PDE10A: variants seen among roughly 807,000 people sequenced by gnomAD.
PDE10A encodes the protein cAMP and cAMP-inhibited cGMP 3',5'-cyclic phosphodiesterase 10A.
PDE10A carries 39 observed loss-of-function variants against 97.7 expected under a neutral mutation model. That is an observed-to-expected ratio of 0.40 (90% confidence interval 0.31 to 0.52). The LOEUF (loss-of-function observed/expected upper bound fraction) is 0.52, where lower values mean the gene tolerates loss of function less well. Among genes scored for constraint, PDE10A ranks in the 20% least tolerant of loss-of-function variants. PDE10A has a pLI of 0.56. For missense variants in PDE10A, 731 were observed against 1,047.8 expected (o/e 0.70, Z 4.17); for synonymous variants, 371 against 376.8 (o/e 0.98, Z 0.18).
chr6:165,714,821 G>T (rs115089335), intron 1 of PDE10A, among the ~76,000 whole-genome samples: 3 of 152,246 alleles, frequency 2.0e-5, no homozygotes, highest in African/African-American at 7.2e-5. Flanking sequence ...GTGGCGGATT[G>T]TGGCCCAGTC....
chr6:165,691,106 T>TCTCTCTCCCCC (rs143783728), intron 1 of PDE10A, among the ~76,000 whole-genome samples: 2 of 39,130 alleles, frequency 5.1e-5, no homozygotes, highest in African/African-American at 1.1e-4. Flanking sequence ...TCTTTCTCTC[T>TCTCTCTCCCCC]CCCCCCCCCC....
In PDE10A at chr6:165,751,877, T is replaced by C. The variant is rs999918354; in HGVS notation, c.-614-208309A>G. Among the ~76,000 whole-genome samples, 4 of 151,940 alleles carry C rather than the reference T, an allele frequency of 2.6e-5. No individual in the cohort carries two copies. In the East Asian group the frequency reaches 7.8e-4, roughly 29 times the overall value. ...TAAATGGGCCAGGCACGGTGGCTCATGCCTGTAATCCCAGCACTTTGGGAG... is the reference window on the plus strand; with the variant it reads ...TAAATGGGCCAGGCACGGTGGCTCACGCCTGTAATCCCAGCACTTTGGGAG... On this transcript the variant is annotated intron_variant, in intron 1 of 19. Coordinates refer to the PDE10A transcript ENST00000366882.
intron 16 of PDE10A, 51 bp downstream of exon 16, chr6:165,392,595 T>C (rs747603875): frequency 6.5e-7 from 1 of 1,544,684 alleles, no homozygotes. Context: ...TGACACACAG[T>C]ATTAAATCCA....
At chr6:165,839,829 CTCGT>C (rs1780175043) in intron 1 of PDE10A, among the ~76,000 whole-genome samples, 2 of 66,858 alleles carry the variant, frequency 3.0e-5, no homozygotes, top group African/African-American at 5.9e-5. Context: ...CATCTCCAAT[CTCGT>C]CTCCATTCTT....
intron 2 of PDE10A, among the ~76,000 whole-genome samples, chr6:165,531,281 T>C (rs890722237): frequency 1.3e-5 from 2 of 151,712 alleles, no homozygotes; most frequent in African/African-American, 4.9e-5. Context: ...AGCTCCATTA[T>C]AGCTGAATCT....
rs536084148 is a variant in PDE10A at position 165,975,795 on chromosome 6, T to C, written c.-615+11734A>G. ...CTAGAATAGAATGGAATAGAAATAT[T>C]TGGTAGTAGGGACACAGGATAACCC... On this transcript the variant is annotated intron_variant, in intron 1 of 19. Coordinates refer to the PDE10A transcript ENST00000366882. 2.0e-5 allele frequency among the ~76,000 whole-genome samples: 3 copies of C among 152,322 alleles called. No homozygotes were observed. In the South Asian group the frequency reaches 6.2e-4, roughly 32 times the overall value.
At chr6:165,927,239 C>T (rs1481351696) in intron 1 of PDE10A, among the ~76,000 whole-genome samples, 1 of 152,164 alleles carries the variant, frequency 6.6e-6, no homozygotes, top group Non-Finnish European at 1.5e-5. Context: ...CATGCTAGTC[C>T]TTAAACTACC....
At chr6:165,925,283 G>A (rs994428570) in intron 1 of PDE10A, among the ~76,000 whole-genome samples, 9 of 152,174 alleles carry the variant, frequency 5.9e-5, no homozygotes, top group African/African-American at 2.2e-4. Context: ...TAGATCACTC[G>A]TACATTGCTG....
At chr6:165,774,835 T>C (rs1178408203) in intron 1 of PDE10A, 4 of 148,298 alleles carry the variant, frequency 2.7e-5, no homozygotes, top group South Asian at 2.1e-4. Context: ...TTTTTTCTTT[T>C]TTTTTTTTTT....
At chr6:165,609,367 T>C (rs528750613) in intron 1 of PDE10A, among the ~76,000 whole-genome samples, 2 of 152,246 alleles carry the variant, frequency 1.3e-5, no homozygotes, top group East Asian at 1.9e-4. Flanking sequence ...CTCAAAATAA[T>C]AACAGCTATT....
intron 1 of PDE10A, chr6:165,781,981 G>C (rs557896863): frequency 6.6e-6 from 1 of 152,280 alleles, no homozygotes; most frequent in South Asian, 2.1e-4. Flanking sequence ...TGTGACATCA[G>C]CAACAGCAAA....
chr6:165,338,807 T>C (rs555557170), intron 20 of PDE10A, among the ~76,000 whole-genome samples: 16 of 152,214 alleles, frequency 1.1e-4, no homozygotes, highest in Non-Finnish European at 2.1e-4. Flanking sequence ...ATGAATTCTT[T>C]CAGTCCACAG....
intron 1 of PDE10A, among the ~76,000 whole-genome samples, chr6:165,678,345 G>A (rs1328817159): frequency 8.7e-6 from 1 of 115,096 alleles, no homozygotes; most frequent in African/African-American, 3.3e-5. Context: ...TTGTTTCTCA[G>A]GATAACCCTG....
intron 1 of PDE10A, among the ~76,000 whole-genome samples, chr6:165,668,641 T>G (rs1790555743): frequency 6.6e-6 from 1 of 151,276 alleles, no homozygotes; most frequent in Admixed American, 6.6e-5. Context: ...CTTGGAGAAC[T>G]GATTCCTTTC....
chr6:165,549,439 C>G (rs1235365065), intron 1 of PDE10A, among the ~76,000 whole-genome samples: 1 of 152,160 alleles, frequency 6.6e-6, no homozygotes, highest in East Asian at 1.9e-4. Context: ...AGTCTCCTGC[C>G]TCAGCCTCCC....
intron 1 of PDE10A, among the ~76,000 whole-genome samples, chr6:165,916,112 A>G (rs959581242): frequency 6.6e-6 from 1 of 152,264 alleles, no homozygotes; most frequent in African/African-American, 2.4e-5. Flanking sequence ...CTATGGGAAC[A>G]TTAATTTCAG....
At position 165,506,307 on chromosome 6, in the gene PDE10A, T is replaced by C. The variant is rs115348018; in HGVS notation, c.995-23964A>G. 3.1e-3 allele frequency among the ~76,000 whole-genome samples: 466 copies of C among 152,298 alleles called. 2 individuals are homozygous for C. Among genetic ancestry groups the C allele is most frequent in the African/African-American group, 0.011 (447 of 41,572 alleles). ...AATTTATTCAGTATTTCCCTTTAGATAGGCATTACGGTTGATTTCAGTATT... is the reference window on the plus strand; with the variant it reads ...AATTTATTCAGTATTTCCCTTTAGACAGGCATTACGGTTGATTTCAGTATT... On this transcript the variant is annotated intron_variant, in intron 2 of 21. Coordinates refer to ENST00000539869, the MANE Select transcript of PDE10A (RefSeq NM_001385079.1).
chr6:165,802,532 G>T (rs987613655), intron 1 of PDE10A, among the ~76,000 whole-genome samples: 1 of 152,184 alleles, frequency 6.6e-6, no homozygotes, highest in Admixed American at 6.5e-5. Flanking sequence ...AAGAGCTACC[G>T]CAAAGTGGTG....
At chr6:165,597,431 A>G (rs1227330390) in intron 1 of PDE10A, among the ~76,000 whole-genome samples, 1 of 152,222 alleles carries the variant, frequency 6.6e-6, no homozygotes, top group Non-Finnish European at 1.5e-5. Flanking sequence ...AAGTAAGCCA[A>G]TGAGTCTTTG....
Sources: allele counts gnomAD v4.1 joint callset (sites outside exome capture counted in the v4.1 genomes callset), GRCh38; gene constraint gnomAD v4.1.1; transcripts MANE v1.5; gene names NCBI Gene and HGNC (gene_info 2026-07-23, HGNC 2026-07-21).